The following LRRC4C variants were observed in gnomAD, a reference collection of about 807,000 sequenced individuals.
LRRC4C encodes the protein leucine rich repeat containing 4C.
A neutral mutation model predicts 33.6 loss-of-function variants in LRRC4C; 5 were observed. The ratio of observed to expected loss-of-function variants is 0.15; its 90% CI spans 0.08 to 0.31. The LOEUF is 0.31. LRRC4C is among the 10% of genes least tolerant of loss of function. The pLI, the probability that LRRC4C is intolerant of heterozygous loss-of-function variation, is 1.00. For missense variants in LRRC4C, 560 were observed against 796.7 expected (o/e 0.70, Z 3.58); for synonymous variants, 329 against 302.0 (o/e 1.09, Z -0.93).
intron 5 of LRRC4C, among the ~76,000 whole-genome samples, chr11:40,144,669 G>A (rs372077104): frequency 1.4e-4 from 22 of 152,286 alleles, no homozygotes; most frequent in African/African-American, 5.1e-4. Context: ...GGAGGAAGGC[G>A]AATGAGATTA....
intron 1 of LRRC4C, among the ~76,000 whole-genome samples, chr11:41,046,962 A>G (rs761324154): frequency 1.6e-4 from 25 of 152,300 alleles, no homozygotes; most frequent in Middle Eastern, 3.4e-3. Flanking sequence ...TATAAAATGG[A>G]TTTTGGATAT....
intron 3 of LRRC4C, among the ~76,000 whole-genome samples, chr11:40,394,783 T>G (rs1004109975): frequency 6.6e-6 from 1 of 152,130 alleles, no homozygotes; most frequent in African/African-American, 2.4e-5. Flanking sequence ...TCTGGCAATG[T>G]TTCATCTTTT....
intron 1 of LRRC4C, among the ~76,000 whole-genome samples, chr11:41,048,990 A>G (rs1042926900): frequency 6.6e-6 from 1 of 152,222 alleles, no homozygotes; most frequent in African/African-American, 2.4e-5. Flanking sequence ...AATGAGTTTG[A>G]AGAGTTAGGC....
At chr11:40,696,281 C>CATATATATATATATATATATATATAT (rs753906826) in intron 2 of LRRC4C, among the ~76,000 whole-genome samples, 3 of 92,890 alleles carry the variant, frequency 3.2e-5, no homozygotes, top group African/African-American at 2.2e-4. Flanking sequence ...CACAATGCCA[C>CATATATATATATATATATATATATAT]ATATATATAT....
At chr11:40,312,656 A>G (rs1945371743) in intron 4 of LRRC4C, among the ~76,000 whole-genome samples, 1 of 152,172 alleles carries the variant, frequency 6.6e-6, no homozygotes, top group African/African-American at 2.4e-5. Context: ...GGGAATCCAG[A>G]GCTATTGAGG....
chr11:40,472,011 C>T (rs537874727), intron 3 of LRRC4C, among the ~76,000 whole-genome samples: 9 of 152,196 alleles, frequency 5.9e-5, no homozygotes, highest in South Asian at 2.1e-4. Flanking sequence ...GAAACTCACT[C>T]GAGGCCGGGC....
At chr11:41,423,683 A>C (rs2138346898) in intron 1 of LRRC4C, among the ~76,000 whole-genome samples, 1 of 152,212 alleles carries the variant, frequency 6.6e-6, no homozygotes, top group South Asian at 2.1e-4. Context: ...AACATCTCAG[A>C]ACAGTCCATA....
At chr11:41,439,782 G>C (rs780179509) in intron 1 of LRRC4C, among the ~76,000 whole-genome samples, 6 of 152,072 alleles carry the variant, frequency 3.9e-5, no homozygotes, top group Non-Finnish European at 5.9e-5. Context: ...AGTTAGTATG[G>C]GTGCAGAAAG....
intron 1 of LRRC4C, among the ~76,000 whole-genome samples, chr11:41,210,193 C>A (rs932527953): frequency 2.0e-5 from 3 of 152,138 alleles, no homozygotes; most frequent in Non-Finnish European, 4.4e-5. Context: ...AACACCAACC[C>A]ATAGTACCAT....
At chr11:41,050,637 G>C (rs187205598) in intron 1 of LRRC4C, among the ~76,000 whole-genome samples, 81 of 152,160 alleles carry the variant, frequency 5.3e-4, no homozygotes, top group South Asian at 1.5e-3. Flanking sequence ...CTTTTTTATG[G>C]CTGCATAGTA....
chr11:40,383,050 G>T (rs989988315), intron 3 of LRRC4C, among the ~76,000 whole-genome samples: 2 of 151,950 alleles, frequency 1.3e-5, no homozygotes, highest in East Asian at 3.9e-4. Context: ...ACCCGAGAAG[G>T]TACCGTTCTT....
intron 3 of LRRC4C, among the ~76,000 whole-genome samples, chr11:40,619,390 A>T (rs1962206544): frequency 1.3e-5 from 2 of 151,700 alleles, no homozygotes; most frequent in African/African-American, 4.8e-5. Flanking sequence ...GCATGCCTGT[A>T]CCAAAACATT....
At chr11:40,227,766 G>A (rs1333274470) in intron 5 of LRRC4C, among the ~76,000 whole-genome samples, 3 of 152,124 alleles carry the variant, frequency 2.0e-5, no homozygotes, top group African/African-American at 2.4e-5. Flanking sequence ...GAAAATCACA[G>A]ATTCCTAAAC....
chr11:41,340,130 C>T (rs1478852687), intron 1 of LRRC4C, among the ~76,000 whole-genome samples: 3 of 152,084 alleles, frequency 2.0e-5, no homozygotes, highest in South Asian at 2.1e-4. Context: ...AAGTAAGTTT[C>T]GCTCATCTTT....
chr11:41,208,732 C>A (rs1204196734), intron 1 of LRRC4C, among the ~76,000 whole-genome samples: 1 of 152,194 alleles, frequency 6.6e-6, no homozygotes, highest in African/African-American at 2.4e-5. Flanking sequence ...ATTCAGAGAT[C>A]ATCTGGGCTG....
At chr11:41,057,865 T>C (rs897612978) in intron 1 of LRRC4C, among the ~76,000 whole-genome samples, 1 of 152,132 alleles carries the variant, frequency 6.6e-6, no homozygotes, top group African/African-American at 2.4e-5. Context: ...GGATGAATTG[T>C]GTAGCCGAGA....
intron 2 of LRRC4C, among the ~76,000 whole-genome samples, chr11:40,757,007 T>C (rs1948985379): frequency 6.6e-6 from 1 of 152,042 alleles, no homozygotes; most frequent in Admixed American, 6.6e-5. Context: ...GCTTGGCTGA[T>C]GAAACAAGCA....
chr11:41,416,982 A>G (rs1178406537), intron 1 of LRRC4C, among the ~76,000 whole-genome samples: 1 of 152,060 alleles, frequency 6.6e-6, no homozygotes, highest in Non-Finnish European at 1.5e-5. Context: ...AGGATTCCTA[A>G]TTCCAGATGG....
chr11:41,323,403 C>G (rs1951015634), intron 1 of LRRC4C, among the ~76,000 whole-genome samples: 1 of 152,112 alleles, frequency 6.6e-6, no homozygotes, highest in African/African-American at 2.4e-5. Context: ...GATTTAAAGA[C>G]TATATTAAAG....
Sources: gnomAD v4.1 joint callset for allele counts (sites outside exome capture counted in the v4.1 genomes callset) on GRCh38, gnomAD v4.1.1 for gene constraint, MANE v1.5 for transcripts, NCBI Gene and HGNC (gene_info 2026-07-23, HGNC 2026-07-21) for gene names.